KLHDC4: variants seen among roughly 807,000 people sequenced by gnomAD.
KLHDC4 encodes the protein kelch domain-containing protein 4.
A neutral mutation model predicts 62.4 loss-of-function variants in KLHDC4; 90 were observed. The observed-to-expected ratio is 1.44, with a 90% CI of 1.22 to 1.72. The LOEUF is 1.72. KLHDC4 is among the 40% of genes most tolerant of loss of function. The pLI, the probability that KLHDC4 is intolerant of heterozygous loss-of-function variation, is 0.00. For missense variants in KLHDC4, 1,025 were observed against 699.7 expected (o/e 1.47, Z -5.25); for synonymous variants, 386 against 284.4 (o/e 1.36, Z -3.59).
At chr16:87,726,244 C>G in intron 7 of KLHDC4, among the ~76,000 whole-genome samples, 1 of 2,744 alleles carries the variant, frequency 3.6e-4, no homozygotes, top group East Asian at 7.8e-3. Context: ...GCCCGTCTCC[C>G]CACGCCGCGC....
intron 7 of KLHDC4, among the ~76,000 whole-genome samples, chr16:87,721,864 C>T (rs532744087): frequency 4.6e-5 from 7 of 152,198 alleles, no homozygotes; most frequent in Admixed American, 2.0e-4. Flanking sequence ...AGGAGGGCCC[C>T]GTCCTCAGCA....
intron 2 of KLHDC4, among the ~76,000 whole-genome samples, chr16:87,759,365 C>G (rs750869002): frequency 2.1e-4 from 32 of 151,536 alleles, no homozygotes; most frequent in Non-Finnish European, 4.6e-4. Flanking sequence ...TTGCAGTGAG[C>G]TGAGATCGCG....
intron 5 of KLHDC4, among the ~76,000 whole-genome samples, chr16:87,734,803 T>C (rs529955352): frequency 6.6e-6 from 1 of 151,978 alleles, no homozygotes; most frequent in Non-Finnish European, 1.5e-5. Context: ...AGCAGCTCCA[T>C]CCCCTCCGGG....
At position 87,743,601 on chromosome 16, in the gene KLHDC4, G is replaced by A. The variant is rs141878049; in HGVS notation, c.506+5072C>T. On this transcript the variant is annotated intron_variant, in intron 5 of 11. Coordinates refer to ENST00000270583, the MANE Select transcript of KLHDC4 (RefSeq NM_017566.4). ...TTAAAATACAAAATATTAGCCAGGC[G>A]TGGTGGCGGGCGCCTGTAGTCCCAG... is the stretch of plus-strand genomic sequence containing the variant. Among the ~76,000 whole-genome samples the A allele has an allele frequency of 1.3e-4, 20 of 152,038 alleles. 1 individual carries two copies. The South Asian group carries it at 1.7e-3, about 13-fold the overall frequency.
intron 4 of KLHDC4, 91 bp downstream of exon 4, chr16:87,755,103 C>A: frequency 2.4e-6 from 2 of 848,976 alleles, no homozygotes; most frequent in South Asian, 1.5e-5. Context: ...CCCCTCCGCA[C>A]CAGCTGCCTG....
At chr16:87,724,320 G>A (rs925675658) in intron 7 of KLHDC4, among the ~76,000 whole-genome samples, 3 of 152,150 alleles carry the variant, frequency 2.0e-5, no homozygotes, top group Admixed American at 6.5e-5. Context: ...GCTAAACAAG[G>A]TCTTCCTGTA....
rs749238584 is a variant in KLHDC4 at position 87,709,412 on chromosome 16, T to TG, written c.1299dup (p.Asn434GlnfsTer19). On this transcript the variant is annotated frameshift_variant, in exon 10 of 12. Transcript: ENST00000270583. LOFTEE classifies it high-confidence loss of function. ...CCATGCTTCACAGCCAGCATGGCGTTGGAGCGTGGACACGGCCCAGGTGCG... is the reference window on the plus strand; with the variant it reads ...CCATGCTTCACAGCCAGCATGGCGTTGGGAGCGTGGACACGGCCCAGGTGCG... 1.5e-5 allele frequency: 24 copies of TG among 1,613,122 alleles called. No homozygotes were observed. The highest frequency in any genetic ancestry group is 1.9e-5 in the Non-Finnish European group (22 of 1,179,932).
Position 87,709,272 on chromosome 16 carries a change from C to T in KLHDC4, c.1440G>A (p.Met480Ile). 2 of 1,607,598 alleles carry T rather than the reference C, an allele frequency of 1.2e-6. No individual in the cohort carries two copies. Among genetic ancestry groups the T allele is most frequent in the Non-Finnish European group, 1.7e-6 (2 of 1,176,668 alleles). ...CCAAGCTGCCTGGCTCACCTGGGTC[C>T]ATCTCCACCAAGGCCTTCCACGCCT... ...RMEAWKALVEMDPETQEWLEE... is the reference protein window; with the variant it reads ...RMEAWKALVEIDPETQEWLEE... Residue 480 changes from methionine (M) to isoleucine (I), a missense_variant, in exon 10 of 12, where the codon ATG becomes ATA. Coordinates refer to ENST00000270583, the MANE Select transcript of KLHDC4 (RefSeq NM_017566.4).
At chr16:87,749,319 G>A (rs947858596) in intron 4 of KLHDC4, among the ~76,000 whole-genome samples, 2 of 152,056 alleles carry the variant, frequency 1.3e-5, no homozygotes, top group Non-Finnish European at 2.9e-5. Flanking sequence ...ACTTCGGGAG[G>A]CTGAGGTGGA....
At chr16:87,701,765 G>C (rs1176189825) in exon 1 of KLHDC4, 1 of 456,766 alleles carries the variant, frequency 2.2e-6, no homozygotes, top group South Asian at 1.5e-5. Flanking sequence ...TCCCAAGCGT[G>C]CACACCCGTC....
In KLHDC4 at chr16:87,714,561, C is replaced by T. The variant is rs775890861; in HGVS notation, c.772G>A (p.Asp258Asn). ...GGYSKQRVKKDVDKGTRHSDM... is the reference protein window; with the variant it reads ...GGYSKQRVKKNVDKGTRHSDM... ...GAGTGCCGTGTGCCCTTGTCCACGT[C>T]TTTCTTAACTCTCTGCAATGGAAAG... The change falls in exon 8 of 12, where the codon GAC becomes AAC. Residue 258 changes from aspartate to asparagine, a missense_variant. Asp to Asn is a conservative substitution (Grantham distance 23). Coordinates refer to ENST00000270583, the MANE Select transcript of KLHDC4 (RefSeq NM_017566.4). 2.0e-5 allele frequency: 33 copies of T among 1,614,032 alleles called. No homozygotes were observed. The Admixed American group carries it at 5.5e-4, about 27-fold the overall frequency.
chr16:87,708,048 T>G lies in KLHDC4; in HGVS notation c.*29A>C, dbSNP rs553197011. The G allele has an allele frequency of 3.7e-4, 200 of 534,682 alleles. 1 individual carries two copies. In the East Asian group the frequency reaches 9.2e-3, roughly 25 times the overall value. The allele number at this position is 534,682 out of a possible 1,614,324, so 33.1% of individuals were successfully genotyped here. A position where few individuals can be genotyped will look rare whatever the true frequency, so the allele number is the denominator to read the frequency against. On this transcript the variant is annotated 3_prime_UTR_variant, in exon 12 of 12. Coordinates refer to ENST00000270583, the MANE Select transcript of KLHDC4 (RefSeq NM_017566.4). ...TCCTGGGCGGACGTGGGCACAGCAC[T>G]TGCCAGGCGCCCCTGGCAGGGGCTC...
downstream of KLHDC4, among the ~76,000 whole-genome samples, chr16:87,706,697 A>G (rs1486093095): frequency 3.3e-5 from 5 of 152,208 alleles, no homozygotes; most frequent in African/African-American, 1.2e-4. Context: ...CCACCCACCG[A>G]GGCCTCCTGA....
At chr16:87,706,837 C>T (rs941903102), downstream of KLHDC4, among the ~76,000 whole-genome samples, 1 of 152,172 alleles carries the variant, frequency 6.6e-6, no homozygotes, top group African/African-American at 2.4e-5. Context: ...TTTCCTGGGC[C>T]CACCTGGAGC....
At chr16:87,727,474 A>AG (rs2039577709) in intron 6 of KLHDC4, among the ~76,000 whole-genome samples, 2 of 152,174 alleles carry the variant, frequency 1.3e-5, no homozygotes, top group African/African-American at 2.4e-5. Flanking sequence ...GGGGTGAGCG[A>AG]GGGGACTGGG....
chr16:87,754,865 G>A (rs2044611844), intron 4 of KLHDC4, among the ~76,000 whole-genome samples: 1 of 152,138 alleles, frequency 6.6e-6, no homozygotes, highest in Admixed American at 6.5e-5. Context: ...TGAACATCCA[G>A]TTCTCCTGTC....
At chr16:87,737,833 C>T (rs182922253) in intron 5 of KLHDC4, among the ~76,000 whole-genome samples, 4 of 151,982 alleles carry the variant, frequency 2.6e-5, no homozygotes, top group Non-Finnish European at 2.9e-5. Flanking sequence ...TCAGGTGATC[C>T]GCCTGCCTCG....
At chr16:87,725,362 TCA>T (rs1313860271) in intron 7 of KLHDC4, among the ~76,000 whole-genome samples, 1 of 152,156 alleles carries the variant, frequency 6.6e-6, no homozygotes, top group East Asian at 1.9e-4. Context: ...AGACGGGGTT[TCA>T]CAGTGTTAGC....
At chr16:87,739,731 C>G (rs999276645) in intron 5 of KLHDC4, 1 of 152,352 alleles carries the variant, frequency 6.6e-6, no homozygotes, top group Non-Finnish European at 1.5e-5. Context: ...GACAGCACCA[C>G]GCGGAAAGAA....
Sources: allele counts gnomAD v4.1 joint callset (sites outside exome capture counted in the v4.1 genomes callset), GRCh38; gene constraint gnomAD v4.1.1; transcripts MANE v1.5; gene names NCBI Gene and HGNC (gene_info 2026-07-23, HGNC 2026-07-21).